TDRD12: variants seen among roughly 807,000 people sequenced by gnomAD.
The protein encoded by TDRD12 is tudor domain containing 12, also known as putative ATP-dependent RNA helicase TDRD12.
A neutral mutation model predicts 133.5 loss-of-function variants in TDRD12; 158 were observed. The observed-to-expected ratio is 1.18, with a 90% CI of 1.04 to 1.35. TDRD12 has a LOEUF of 1.35. Among genes scored for constraint, TDRD12 ranks in the 40% most tolerant of loss-of-function variants. The pLI, the probability that TDRD12 is intolerant of heterozygous loss-of-function variation, is 0.00. For synonymous variants in TDRD12, 460 were observed against 477.9 expected, an observed-to-expected ratio of 0.96 and a Z score of 0.49; for missense variants, 1,443 against 1,321.3, an observed-to-expected ratio of 1.09 and a Z score of -1.43.
intron 18 of TDRD12, among the ~76,000 whole-genome samples, chr19:32,801,294 A>T (rs1971382524): frequency 6.6e-6 from 1 of 152,210 alleles, no homozygotes; most frequent in Non-Finnish European, 1.5e-5. Context: ...TTGGCTAAAG[A>T]TTTATTCAGT....
intron 4 of TDRD12, among the ~76,000 whole-genome samples, chr19:32,744,676 C>T (rs139798548): frequency 6.6e-6 from 1 of 152,088 alleles, no homozygotes; most frequent in Non-Finnish European, 1.5e-5. Flanking sequence ...GGGCAGTTCC[C>T]TCTCGGGTGC....
At chr19:32,723,302 G>A (rs1968748685) in intron 1 of TDRD12, among the ~76,000 whole-genome samples, 1 of 151,806 alleles carries the variant, frequency 6.6e-6, no homozygotes, top group African/African-American at 2.4e-5. Flanking sequence ...CCAGGCTGGA[G>A]TGCAGTGGTG....
intron 6 of TDRD12, among the ~76,000 whole-genome samples, chr19:32,755,099 C>T (rs1969953475): frequency 1.3e-5 from 2 of 151,518 alleles, no homozygotes; most frequent in South Asian, 2.1e-4. Context: ...GATGCATCCA[C>T]GTTTGTTGTT....
intron 16 of TDRD12, among the ~76,000 whole-genome samples, chr19:32,799,211 G>A (rs1251684358): frequency 6.6e-6 from 1 of 150,724 alleles, no homozygotes; most frequent in Non-Finnish European, 1.5e-5. Context: ...TTGAGTCCAG[G>A]CTTTGTTACT....
intron 18 of TDRD12, among the ~76,000 whole-genome samples, chr19:32,800,990 C>T (rs539395205): frequency 2.6e-5 from 4 of 151,420 alleles, no homozygotes; most frequent in African/African-American, 4.8e-5. Context: ...TTTTCCTCTG[C>T]AGCAGCGTTC....
intron 7 of TDRD12, among the ~76,000 whole-genome samples, chr19:32,756,395 GT>G (rs150550292): frequency 1.3e-5 from 2 of 149,306 alleles, no homozygotes; most frequent in Admixed American, 6.7e-5. Context: ...CTCGATTTCT[GT>G]TTTTTTTTTG....
intron 25 of TDRD12, among the ~76,000 whole-genome samples, chr19:32,814,622 A>C (rs1372095441): frequency 6.6e-6 from 1 of 152,172 alleles, no homozygotes; most frequent in Non-Finnish European, 1.5e-5. Context: ...AAAAGCAGAT[A>C]TTTTATTAAG....
chr19:32,762,030 A>G (rs1211402959), intron 8 of TDRD12, among the ~76,000 whole-genome samples: 1 of 151,778 alleles, frequency 6.6e-6, no homozygotes, highest in Non-Finnish European at 1.5e-5. Context: ...TTTTAAATTG[A>G]CTTTTTTGTC....
intron 8 of TDRD12, among the ~76,000 whole-genome samples, chr19:32,765,887 A>C (rs910410086): frequency 6.6e-6 from 1 of 151,810 alleles, no homozygotes; most frequent in Admixed American, 6.6e-5. Context: ...CTTAAAGTAT[A>C]ATTTAAAAAA....
At chr19:32,806,517 A>G (rs2145716979) in intron 21 of TDRD12, among the ~76,000 whole-genome samples, 1 of 151,170 alleles carries the variant, frequency 6.6e-6, no homozygotes, top group South Asian at 2.1e-4. Context: ...TAATTTTTGT[A>G]TTTTTAGTAG....
chr19:32,809,313 G>A (rs1966918339), intron 22 of TDRD12, among the ~76,000 whole-genome samples: 1 of 152,170 alleles, frequency 6.6e-6, no homozygotes, highest in Admixed American at 6.5e-5. Flanking sequence ...CTCGCTTGTT[G>A]CACTGGCTGA....
chr19:32,762,004 G>A (rs960947051), intron 8 of TDRD12, among the ~76,000 whole-genome samples: 2 of 152,064 alleles, frequency 1.3e-5, no homozygotes. Context: ...CACCATGTCC[G>A]GCAAGGATTT....
intron 11 of TDRD12, among the ~76,000 whole-genome samples, chr19:32,789,846 A>T (rs1971017647): frequency 6.6e-6 from 1 of 152,108 alleles, no homozygotes; most frequent in Non-Finnish European, 1.5e-5. Flanking sequence ...TACTAAAAAT[A>T]CAGAAATTAG....
rs111886190 is a variant in TDRD12, at chr19:32,726,182, G to A, written c.25-5543G>A. Among the ~76,000 whole-genome samples the A allele has an allele frequency of 4.5e-3, 676 of 151,790 alleles. 5 individuals are homozygous for A. The highest frequency in any genetic ancestry group is 0.015 in the African/African-American group (625 of 41,366). On this transcript the variant is annotated intron_variant, in intron 1 of 27. Transcript: ENST00000444215. ...TGCAAGCTCTGCCTCCTGGGTTCAC[G>A]CCATTCTCCTGCCTCAGCCTCCCAA...
intron 8 of TDRD12, among the ~76,000 whole-genome samples, chr19:32,767,387 C>T (rs1287587957): frequency 6.6e-6 from 1 of 152,070 alleles, no homozygotes; most frequent in Non-Finnish European, 1.5e-5. Context: ...ACTCGGCCTC[C>T]CAAAGTGCTG....
At chr19:32,772,705 A>T in intron 8 of TDRD12, 48 bp from the exon 9 acceptor site, 1 of 1,094,748 alleles carries the variant, frequency 9.1e-7, no homozygotes, top group Non-Finnish European at 1.3e-6. Flanking sequence ...ATTTTCTATT[A>T]ATATCACTTT....
intron 6 of TDRD12, among the ~76,000 whole-genome samples, chr19:32,751,107 C>G (rs1477267163): frequency 2.7e-5 from 4 of 148,290 alleles, no homozygotes; most frequent in African/African-American, 5.0e-5. Flanking sequence ...TCCCTCCCCC[C>G]TCCCCACCCC....
At chr19:32,807,357 G>A (rs542005080) in intron 21 of TDRD12, among the ~76,000 whole-genome samples, 192 bp from the exon 22 acceptor site, 9 of 140,464 alleles carry the variant, frequency 6.4e-5, no homozygotes, top group African/African-American at 2.4e-4. Flanking sequence ...TAATTAAAAT[G>A]TAAAATCCAT....
chr19:32,774,061 CGTGA>C (rs1970513000), intron 10 of TDRD12, among the ~76,000 whole-genome samples: 1 of 152,140 alleles, frequency 6.6e-6, no homozygotes, highest in Admixed American at 6.5e-5. Flanking sequence ...AGAATGGTTT[CGTGA>C]GTATCAGAGG....
Sources: gnomAD v4.1 joint callset for allele counts (sites outside exome capture counted in the v4.1 genomes callset) on GRCh38, gnomAD v4.1.1 for gene constraint, MANE v1.5 for transcripts, NCBI Gene and HGNC (gene_info 2026-07-23, HGNC 2026-07-21) for gene names.